Variants in PLEK observed in about 807,000 individuals in gnomAD.
PLEK encodes the protein pleckstrin, also known as platelet 47 kDa protein.
Under a neutral mutation model 43.9 loss-of-function variants are expected in PLEK, and 25 were observed. That is an observed-to-expected ratio of 0.57 (90% confidence interval 0.41 to 0.79). The LOEUF (loss-of-function observed/expected upper bound fraction) is 0.79. PLEK is among the 30% of genes least tolerant of loss of function. The probability of loss-of-function intolerance (pLI) is 0.00; values close to 1 mark genes in which losing one functional copy is unlikely to be tolerated. For missense variants in PLEK, 396 were observed against 413.3 expected (o/e 0.96, Z 0.36); for synonymous variants, 152 against 144.4 (o/e 1.05, Z -0.38).
At chr2:68,368,894 T>G (rs1673336897) in intron 1 of PLEK, among the ~76,000 whole-genome samples, 2 of 152,022 alleles carry the variant, frequency 1.3e-5, no homozygotes, top group Admixed American at 1.3e-4. Flanking sequence ...CCTTTGAGGC[T>G]GGGAGAAAGC....
At chr2:68,366,838 G>A (rs1673283709) in intron 1 of PLEK, among the ~76,000 whole-genome samples, 1 of 152,148 alleles carries the variant, frequency 6.6e-6, no homozygotes, top group Non-Finnish European at 1.5e-5. Flanking sequence ...CAAGTGAATA[G>A]GAACATTTCT....
intron 3 of PLEK, 34 bp downstream of exon 3, chr2:68,380,938 C>T: frequency 6.3e-7 from 1 of 1,576,434 alleles, no homozygotes; most frequent in African/African-American, 1.3e-5. Context: ...TTTACCCATT[C>T]CTTCTGAAAG....
At chr2:68,366,584 T>C (rs1019322636) in intron 1 of PLEK, among the ~76,000 whole-genome samples, 8 of 152,200 alleles carry the variant, frequency 5.3e-5, no homozygotes, top group East Asian at 1.9e-4. Context: ...TTATTCCAAG[T>C]TAGGATTTGT....
rs1673978748 is a variant in PLEK, at chr2:68,397,311, T to C, written c.*1495T>C. On this transcript the variant is annotated 3_prime_UTR_variant, in exon 9 of 9. Transcript: ENST00000234313. ...GATGGTTTTATCAATAGCCTAGAGG[T>C]AAAGAACTGTCTTTTTCTCTGATTC... is the stretch of plus-strand genomic sequence containing the variant. 2 of 152,182 alleles carry C rather than the reference T, an allele frequency of 1.3e-5. No individual in the cohort carries two copies. The allele number at this position is 152,182 out of a possible 1,614,324, so 9.4% of individuals were successfully genotyped here. A position where few individuals can be genotyped will look rare whatever the true frequency, so the allele number is the denominator to read the frequency against.
Position 68,395,896 on chromosome 2 carries a change from A to G in PLEK, c.*80A>G. ...TCCAGGACCTGTCCACTTCTGTGAC[A>G]AATCAACGGGAAACAGCCCAGGGGT... On this transcript the variant is annotated 3_prime_UTR_variant, in exon 9 of 9. Transcript: ENST00000234313. 1 of 1,309,534 alleles carries G rather than the reference A, an allele frequency of 7.6e-7. No homozygotes were observed. Among genetic ancestry groups the G allele is most frequent in the Admixed American group, 1.9e-5 (1 of 52,044 alleles). 81.1% of individuals were successfully genotyped at this position (1,309,534 alleles called of 1,614,324 possible).
rs936781641 is a variant in PLEK, at chr2:68,397,217, A to G, written c.*1401A>G. The G allele has an allele frequency of 2.0e-5, 3 of 152,030 alleles. No individual in the cohort carries two copies. The highest frequency in any genetic ancestry group is 2.9e-5 in the Non-Finnish European group (2 of 68,008). 9.4% of individuals were successfully genotyped at this position (152,030 alleles called of 1,614,324 possible). A position where few individuals can be genotyped will look rare whatever the true frequency, so the allele number is the denominator to read the frequency against. On this transcript the variant is annotated 3_prime_UTR_variant, in exon 9 of 9. Coordinates refer to ENST00000234313, the MANE Select transcript of PLEK (RefSeq NM_002664.3). ...AAAGGAGAGTAGAACATTTTTCCTC[A>G]TTTTATCAAATCCTCTCTTGCCCTC... is the stretch of plus-strand genomic sequence containing the variant.
chr2:68,376,632 A>T (rs987846648), intron 1 of PLEK, among the ~76,000 whole-genome samples: 4 of 152,078 alleles, frequency 2.6e-5, no homozygotes, highest in Non-Finnish European at 5.9e-5. Flanking sequence ...TAAAATTTAA[A>T]TTTTTGTGGG....
chr2:68,376,210 A>G (rs1235352935), intron 1 of PLEK, among the ~76,000 whole-genome samples: 2 of 152,188 alleles, frequency 1.3e-5, no homozygotes, highest in African/African-American at 4.8e-5. Flanking sequence ...CTCAGTCTGA[A>G]TTGACACTTG....
At chr2:68,390,384 T>C (rs975020870) in intron 6 of PLEK, among the ~76,000 whole-genome samples, 2 of 152,242 alleles carry the variant, frequency 1.3e-5, no homozygotes, top group African/African-American at 4.8e-5. Flanking sequence ...CCAGCCTTTT[T>C]CTTAAAAGCT....
chr2:68,383,453 G>A (rs1377426826), intron 4 of PLEK, among the ~76,000 whole-genome samples: 1 of 152,006 alleles, frequency 6.6e-6, no homozygotes, highest in Non-Finnish European at 1.5e-5. Context: ...TTTACAGGAG[G>A]ATTTTTAATG....
In PLEK at chr2:68,395,906, G is replaced by A; in HGVS notation, c.*90G>A. ...GTCCACTTCTGTGACAAATCAACGGGAAACAGCCCAGGGGTGGGAAGTTTT... is the reference window on the plus strand; with the variant it reads ...GTCCACTTCTGTGACAAATCAACGGAAAACAGCCCAGGGGTGGGAAGTTTT... On this transcript the variant is annotated 3_prime_UTR_variant, in exon 9 of 9. Transcript: ENST00000234313. 8.4e-7 allele frequency: 1 copy of A among 1,195,398 alleles called. No homozygotes were observed. The highest frequency in any genetic ancestry group is 1.2e-6 in the Non-Finnish European group (1 of 819,240). The allele number at this position is 1,195,398 out of a possible 1,614,324, so 74.0% of individuals were successfully genotyped here.
chr2:68,395,951 A>G lies in PLEK; in HGVS notation c.*135A>G. The G allele has an allele frequency of 2.7e-6, 2 of 731,236 alleles. No homozygotes were observed. Among genetic ancestry groups the G allele is most frequent in the South Asian group, 3.4e-5 (2 of 59,538 alleles). 45.3% of individuals were successfully genotyped at this position (731,236 alleles called of 1,614,324 possible). A position where few individuals can be genotyped will look rare whatever the true frequency, so the allele number is the denominator to read the frequency against. ...AGTTTTCATTTGCAGGGGGGTCTGA[A>G]TGTAACTCACCATGTGGTGTGCAAG... On this transcript the variant is annotated 3_prime_UTR_variant, in exon 9 of 9. Coordinates refer to ENST00000234313, the MANE Select transcript of PLEK (RefSeq NM_002664.3).
chr2:68,385,188 A>G (rs1258332291), intron 4 of PLEK, among the ~76,000 whole-genome samples: 1 of 152,258 alleles, frequency 6.6e-6, no homozygotes, highest in African/African-American at 2.4e-5. Flanking sequence ...TGATACACAT[A>G]TACATTGTGC....
chr2:68,380,560 G>A (rs1313510041), intron 2 of PLEK, 77 bp downstream of exon 2: 21 of 1,489,688 alleles, frequency 1.4e-5, no homozygotes, highest in Non-Finnish European at 1.9e-5. Context: ...CTACAATGTG[G>A]GTGGTGCTCC....
chr2:68,390,685 G>C (rs911316309), intron 6 of PLEK, among the ~76,000 whole-genome samples: 8 of 152,142 alleles, frequency 5.3e-5, no homozygotes, highest in Non-Finnish European at 1.2e-4. Flanking sequence ...CCAAAAGTAA[G>C]CCTCCCTTGT....
In PLEK at chr2:68,393,661, T is replaced by G. The variant is rs561529378; in HGVS notation, c.846+416T>G. ...TTGTCGAAGAGGACTTTTTCCACCA[T>G]AAAATGAACCACTTTTAAAGCATGA... On this transcript the variant is annotated intron_variant, in intron 7 of 8. Transcript: ENST00000234313. 2.6e-5 allele frequency among the ~76,000 whole-genome samples: 4 copies of G among 152,306 alleles called. No homozygotes were observed. The South Asian group carries it at 8.3e-4, about 32-fold the overall frequency.
At chr2:68,365,953 T>G (rs1479757196) in intron 1 of PLEK, among the ~76,000 whole-genome samples, 1 of 152,194 alleles carries the variant, frequency 6.6e-6, no homozygotes, top group Non-Finnish European at 1.5e-5. Flanking sequence ...CTTAGTAAAT[T>G]TGCATAATGT....
intron 1 of PLEK, among the ~76,000 whole-genome samples, chr2:68,378,169 A>G (rs1673541969): frequency 1.3e-5 from 2 of 152,342 alleles, no homozygotes; most frequent in East Asian, 1.9e-4. Context: ...AATCTAAACT[A>G]TGCTTTAAGA....
chr2:68,380,933 C>G (rs575121127), intron 3 of PLEK, 29 bp downstream of exon 3: 3 of 1,587,136 alleles, frequency 1.9e-6, no homozygotes, highest in African/African-American at 2.7e-5. Flanking sequence ...TTCTCTTTAC[C>G]CATTCCTTCT....
Sources: allele counts gnomAD v4.1 joint callset (sites outside exome capture counted in the v4.1 genomes callset), GRCh38; gene constraint gnomAD v4.1.1; transcripts MANE v1.5; gene names NCBI Gene and HGNC (gene_info 2026-07-23, HGNC 2026-07-21).